PTPN13: variants seen among roughly 807,000 people sequenced by gnomAD.
PTPN13 encodes protein tyrosine phosphatase non-receptor type 13.
In PTPN13, 191 loss-of-function variants were observed where a neutral mutation model predicts 284.0. That is an observed-to-expected ratio of 0.67 (90% CI 0.60 to 0.76). The LOEUF (loss-of-function observed/expected upper bound fraction) is 0.76. Among genes scored for constraint, PTPN13 ranks in the 30% least tolerant of loss-of-function variants. The pLI is 0.00. For synonymous variants in PTPN13, 986 were observed against 1,022.3 expected (o/e 0.96, Z 0.68); for missense variants, 2,797 against 2,939.9 (o/e 0.95, Z 1.12).
In PTPN13 at chr4:86,775,359, C is replaced by T. The variant is rs1740514373; in HGVS notation, c.5680+17C>T. On this transcript the variant is annotated intron_variant, in intron 34 of 47. Transcript: ENST00000411767. ...AGGAGTTGGGTAATGAAAAGTCAAA[C>T]TTTGTACAATATGATTTTCTTGGTT... 1 of 1,608,058 alleles carries T rather than the reference C, an allele frequency of 6.2e-7. No homozygotes were observed. The highest frequency in any genetic ancestry group is 1.3e-5 in the African/African-American group (1 of 74,690).
At chr4:86,723,764 G>A (rs1210126114) in intron 10 of PTPN13, among the ~76,000 whole-genome samples, 1 of 152,072 alleles carries the variant, frequency 6.6e-6, no homozygotes, top group Non-Finnish European at 1.5e-5. Context: ...GAAAGGTGAA[G>A]CAATATTTCA....
chr4:86,715,291 T>C (rs1732891750), intron 7 of PTPN13, among the ~76,000 whole-genome samples: 1 of 152,144 alleles, frequency 6.6e-6, no homozygotes, highest in African/African-American at 2.4e-5. Context: ...TGTGTGAGTA[T>C]GTGTTCCCAC....
Position 86,810,349 on chromosome 4 carries a change from AT to A in PTPN13, c.7299+372del, listed in dbSNP as rs35196300. On this transcript the variant is annotated intron_variant, in intron 46 of 47. Transcript: ENST00000411767. ...AAATAATTGAAGCACAAAGGAAAGT[AT>A]TTTTTTAATGAAAAAGCTTGTATTT... Among the ~76,000 whole-genome samples the A allele has an allele frequency of 2.6e-5, 4 of 151,824 alleles. No homozygotes were observed. In the South Asian group the frequency reaches 8.3e-4, roughly 32 times the overall value.
At chr4:86,636,064 A>G (rs1418009412) in intron 2 of PTPN13, among the ~76,000 whole-genome samples, 1 of 152,178 alleles carries the variant, frequency 6.6e-6, no homozygotes, top group Non-Finnish European at 1.5e-5. Context: ...GGAGGGATTC[A>G]GTGACTCTCT....
chr4:86,801,670 A>G (rs1166409751), intron 42 of PTPN13, among the ~76,000 whole-genome samples: 2 of 152,184 alleles, frequency 1.3e-5, no homozygotes, highest in African/African-American at 4.8e-5. Context: ...AGGCACTGAA[A>G]TAATTCAGTG....
At chr4:86,793,564 C>T (rs1009519535) in intron 40 of PTPN13, among the ~76,000 whole-genome samples, 53 of 152,266 alleles carry the variant, frequency 3.5e-4, no homozygotes, top group African/African-American at 9.2e-4. Context: ...CTTCTCAGCA[C>T]CACATCACAC....
rs570062270 is a variant in PTPN13 at position 86,747,552 on chromosome 4, A to G, written c.2650+2424A>G. On this transcript the variant is annotated intron_variant, in intron 17 of 47. Coordinates refer to ENST00000411767, the MANE Select transcript of PTPN13 (RefSeq NM_080683.3). ...TAATAGTAGCAGCAGCAGCAGCGGC[A>G]GCAGCAGCAGCAGCAGCAGCAGCAG... 2.7e-3 allele frequency among the ~76,000 whole-genome samples: 380 copies of G among 142,956 alleles called. 9 individuals are homozygous for G. The East Asian group carries it at 0.063, about 24-fold the overall frequency. 93.8% of individuals were successfully genotyped at this position (142,956 alleles called of 152,430 possible). A position where few individuals can be genotyped will look rare whatever the true frequency, so the allele number is the denominator to read the frequency against.
intron 32 of PTPN13, among the ~76,000 whole-genome samples, chr4:86,773,322 G>A (rs1740213671): frequency 6.6e-6 from 1 of 152,180 alleles, no homozygotes; most frequent in Non-Finnish European, 1.5e-5. Context: ...ATCTGCTACA[G>A]AGTAGACCCT....
rs1729494022 is a variant in PTPN13 at position 86,686,692 on chromosome 4, TAAA to T, written c.295-15_295-13del. The T allele has an allele frequency of 6.8e-7, 1 of 1,476,518 alleles. No homozygotes were observed. Among genetic ancestry groups the T allele is most frequent in the Non-Finnish European group, 9.2e-7 (1 of 1,085,648 alleles). 91.5% of individuals were successfully genotyped at this position (1,476,518 alleles called of 1,614,324 possible). On this transcript the variant is annotated splice_polypyrimidine_tract_variant and intron_variant, in intron 3 of 47. Transcript: ENST00000411767. ...TGTATTTTATCATAAAATTATTTCT[TAAA>T]AATTCTATTCCTAGATCCACATTTA...
Position 86,707,644 on chromosome 4 carries a change from T to A in PTPN13, c.1195+5843T>A, listed in dbSNP as rs552731380. ...AATAATTTTATGGAGATATATATAT[T>A]TTTTCAAAACATCTTTTTTAAATTC... On this transcript the variant is annotated intron_variant, in intron 7 of 47. Coordinates refer to ENST00000411767, the MANE Select transcript of PTPN13 (RefSeq NM_080683.3). Among the ~76,000 whole-genome samples the A allele has an allele frequency of 3.3e-4, 50 of 151,580 alleles. 1 individual carries two copies. The highest frequency in any genetic ancestry group is 1.3e-3 in the East Asian group (7 of 5,188).
chr4:86,758,861 A>G, intron 22 of PTPN13, 76 bp downstream of exon 22: 2 of 1,583,328 alleles, frequency 1.3e-6, no homozygotes, highest in South Asian at 2.3e-5. Context: ...AACTAAAATA[A>G]TTGAGAAAGA....
At chr4:86,660,936 G>A (rs1485128572) in intron 2 of PTPN13, among the ~76,000 whole-genome samples, 2 of 152,092 alleles carry the variant, frequency 1.3e-5, no homozygotes, top group African/African-American at 4.8e-5. Context: ...TATCCTTGGT[G>A]ATAAATGTTA....
At chr4:86,610,530 A>G (rs1325039594) in intron 1 of PTPN13, among the ~76,000 whole-genome samples, 2 of 152,266 alleles carry the variant, frequency 1.3e-5, no homozygotes, top group Non-Finnish European at 2.9e-5. Context: ...GAAGACAATA[A>G]TGAGTGATGA....
intron 3 of PTPN13, among the ~76,000 whole-genome samples, chr4:86,676,671 T>C (rs893048245): frequency 6.6e-6 from 1 of 152,188 alleles, no homozygotes; most frequent in African/African-American, 2.4e-5. Flanking sequence ...ACAATGAATA[T>C]CATACAGGCT....
At chr4:86,810,970 C>G in intron 46 of PTPN13, 76 bp from the exon 47 acceptor site, 1 of 1,400,206 alleles carries the variant, frequency 7.1e-7, no homozygotes, top group Non-Finnish European at 1.0e-6. Context: ...TTACATAAGC[C>G]TCCCCTCTGT....
intron 2 of PTPN13, among the ~76,000 whole-genome samples, chr4:86,665,801 A>G (rs1726997986): frequency 6.6e-6 from 1 of 152,158 alleles, no homozygotes; most frequent in Admixed American, 6.5e-5. Flanking sequence ...AGTACTTGTC[A>G]TGGATGATAT....
At chr4:86,681,161 T>C (rs534767524) in intron 3 of PTPN13, among the ~76,000 whole-genome samples, 33 of 152,358 alleles carry the variant, frequency 2.2e-4, no homozygotes, top group African/African-American at 7.2e-4. Flanking sequence ...GCTTTAAGTT[T>C]CTTCTAACTC....
In PTPN13 at chr4:86,726,944, T is replaced by C. The variant is rs1300629975; in HGVS notation, c.1608+4510T>C. 2.7e-5 allele frequency among the ~76,000 whole-genome samples: 4 copies of C among 149,614 alleles called. 1 individual carries two copies. The highest frequency in any genetic ancestry group is 6.0e-5 in the Non-Finnish European group (4 of 66,672). The stretch of plus-strand genomic sequence containing the variant: ...TGTCCATTTAGTATGATATTGGCTG[T>C]GGGTTTGTCGTAAATAGCATTTATT... On this transcript the variant is annotated intron_variant, in intron 10 of 47. Coordinates refer to ENST00000411767, the MANE Select transcript of PTPN13 (RefSeq NM_080683.3).
chr4:86,676,911 G>A (rs1728333077), intron 3 of PTPN13, among the ~76,000 whole-genome samples: 1 of 152,126 alleles, frequency 6.6e-6, no homozygotes, highest in African/African-American at 2.4e-5. Flanking sequence ...TTTTAGTTTT[G>A]CAAGGTGAAA....
Sources: gnomAD v4.1 joint callset for allele counts (sites outside exome capture counted in the v4.1 genomes callset) on GRCh38, gnomAD v4.1.1 for gene constraint, MANE v1.5 for transcripts, NCBI Gene and HGNC (gene_info 2026-07-23, HGNC 2026-07-21) for gene names.